The following KCNQ1 variants were observed in gnomAD, a reference collection of about 807,000 sequenced individuals.
KCNQ1 encodes the protein potassium voltage-gated channel subfamily Q member 1, also known as potassium voltage-gated channel subfamily KQT member 1.
In KCNQ1, 49 loss-of-function variants were observed where a neutral mutation model predicts 72.4. The ratio of observed to expected loss-of-function variants is 0.68; its 90% CI spans 0.54 to 0.86. KCNQ1 has a LOEUF of 0.86. Among genes scored for constraint, KCNQ1 ranks in the 40% least tolerant of loss-of-function variants. KCNQ1 has a pLI of 0.00. For synonymous variants in KCNQ1, 450 were observed against 412.6 expected (o/e 1.09, Z -1.10); for missense variants, 790 against 945.1 (o/e 0.84, Z 2.15).
At chr11:2,540,980 C>G (rs1847813198) in intron 2 of KCNQ1, among the ~76,000 whole-genome samples, 1 of 152,216 alleles carries the variant, frequency 6.6e-6, no homozygotes, top group Non-Finnish European at 1.5e-5. Flanking sequence ...CACAGGCACA[C>G]ACGCACAGAC....
intron 10 of KCNQ1, chr11:2,618,729 G>A (rs895884385): frequency 2.5e-6 from 1 of 398,452 alleles, no homozygotes; most frequent in Non-Finnish European, 4.4e-6. Flanking sequence ...AATTTTCCAT[G>A]GGATTTTGAT....
Position 2,566,022 on chromosome 11 carries a change from G to T in KCNQ1, c.478-4606G>T, listed in dbSNP as rs1489377283. 6.6e-6 allele frequency among the ~76,000 whole-genome samples: 1 copy of T among 152,026 alleles called. No individual in the cohort carries two copies. The highest frequency in any genetic ancestry group is 2.4e-5 in the African/African-American group (1 of 41,380). ...CCCACTAGATGACCACCAAGGCAGGGCGGCTGGTGGTGCTGACGGCTCTGT... is the reference window on the plus strand; with the variant it reads ...CCCACTAGATGACCACCAAGGCAGGTCGGCTGGTGGTGCTGACGGCTCTGT... On this transcript the variant is annotated intron_variant, in intron 2 of 15. Transcript: ENST00000155840. The surrounding 1 kb of genome is among the most constrained non-coding windows in gnomAD (Gnocchi z 6.7).
intron 15 of KCNQ1, among the ~76,000 whole-genome samples, chr11:2,791,813 G>A (rs373806840): frequency 6.6e-6 from 1 of 152,172 alleles, no homozygotes. Context: ...CGGTGGGACC[G>A]GCTTCCTGCC....
chr11:2,607,162 C>A (rs540297819), intron 10 of KCNQ1, among the ~76,000 whole-genome samples: 2 of 152,204 alleles, frequency 1.3e-5, no homozygotes, highest in South Asian at 4.1e-4. Flanking sequence ...CTCGGCCTCC[C>A]AAAGTGCTGG....
At chr11:2,456,647 C>T (rs548681318) in intron 1 of KCNQ1, among the ~76,000 whole-genome samples, 43 of 151,068 alleles carry the variant, frequency 2.8e-4, no homozygotes, top group African/African-American at 7.5e-4. Context: ...AAGGGCCGGG[C>T]GCGGTGGCTC....
intron 11 of KCNQ1, among the ~76,000 whole-genome samples, chr11:2,749,947 G>A (rs1384167396): frequency 2.1e-5 from 3 of 140,470 alleles, no homozygotes; most frequent in South Asian, 2.4e-4. Context: ...GCAACAGAGT[G>A]AGACTCTGTC....
At chr11:2,656,184 C>G (rs1375776966) in intron 10 of KCNQ1, 1 of 398,412 alleles carries the variant, frequency 2.5e-6, no homozygotes, top group African/African-American at 2.1e-5. Context: ...TTTCTTTCTT[C>G]CTTCCTTTAA....
chr11:2,524,395 G>A (rs980998389), intron 1 of KCNQ1, among the ~76,000 whole-genome samples: 9 of 152,196 alleles, frequency 5.9e-5, no homozygotes, highest in African/African-American at 2.2e-4. Context: ...GACCTCAGAA[G>A]CCCTTGGAGC....
chr11:2,802,452 C>T (rs1847286869), intron 15 of KCNQ1, among the ~76,000 whole-genome samples: 1 of 152,234 alleles, frequency 6.6e-6, no homozygotes, highest in Non-Finnish European at 1.5e-5. Context: ...CCTTCATGGG[C>T]CTGCCCAATG....
intron 15 of KCNQ1, among the ~76,000 whole-genome samples, chr11:2,847,427 C>T (rs1242081778): frequency 1.3e-5 from 2 of 152,300 alleles, no homozygotes; most frequent in East Asian, 1.9e-4. Context: ...CCCTGCCATG[C>T]GGGGATGTGG....
rs920821461 is a variant in KCNQ1 at position 2,816,126 on chromosome 11, C to T, written c.1795-31641C>T. ...CAGTAGCCAGGGGCAAGACCTCACA[C>T]GCCTCTGCCCATCCTGGGAAACTCA... On this transcript the variant is annotated intron_variant, in intron 15 of 15. Transcript: ENST00000155840. The surrounding 1 kb of genome is among the most constrained non-coding windows in gnomAD (Gnocchi z 6.8). Among the ~76,000 whole-genome samples the T allele has an allele frequency of 2.2e-4, 34 of 152,186 alleles. No individual in the cohort carries two copies. Among genetic ancestry groups the T allele is most frequent in the Non-Finnish European group, 4.0e-4 (27 of 68,034 alleles).
At chr11:2,616,871 A>G (rs1849073923) in intron 10 of KCNQ1, 3 of 398,030 alleles carry the variant, frequency 7.5e-6, no homozygotes, top group Non-Finnish European at 1.3e-5. Context: ...TGGAGTGTCC[A>G]TATATGTTTG....
chr11:2,773,419 C>T (rs534798397), intron 12 of KCNQ1, among the ~76,000 whole-genome samples: 6 of 151,738 alleles, frequency 4.0e-5, no homozygotes, highest in Admixed American at 1.3e-4. Context: ...GATCAAGGCT[C>T]GGCATCCCAT....
rs76363359 is a variant in KCNQ1 at position 2,542,603 on chromosome 11, G to A, written c.477+14585G>A. ...CCCCAGAAGGCTTCTCGCTCCCGTC[G>A]CTGGCCCCTCCTCCGCTGCTCCTGG... is the stretch of plus-strand genomic sequence containing the variant. On this transcript the variant is annotated intron_variant, in intron 2 of 15. Coordinates refer to ENST00000155840, the MANE Select transcript of KCNQ1 (RefSeq NM_000218.3). Among the ~76,000 whole-genome samples the A allele has an allele frequency of 3.6e-3, 545 of 152,312 alleles. 3 individuals carry two copies. Among genetic ancestry groups the A allele is most frequent in the African/African-American group, 0.013 (523 of 41,578 alleles).
intron 2 of KCNQ1, among the ~76,000 whole-genome samples, chr11:2,535,938 G>C (rs1004084332): frequency 9.8e-5 from 15 of 152,334 alleles, no homozygotes; most frequent in African/African-American, 3.6e-4. Context: ...GCACAGCTGG[G>C]GGCAGGGGCG....
At chr11:2,681,262 G>A in intron 11 of KCNQ1, 2 of 398,556 alleles carry the variant, frequency 5.0e-6, no homozygotes, top group Admixed American at 8.8e-5. Flanking sequence ...CCCCAGGAGA[G>A]AGCTTCACTT....
intron 10 of KCNQ1, chr11:2,641,785 G>A (rs1486669271): frequency 5.0e-6 from 2 of 398,312 alleles, no homozygotes; most frequent in Non-Finnish European, 8.9e-6. Flanking sequence ...TCATGTTTAA[G>A]TCTTTAACCC....
At position 2,674,787 on chromosome 11, in the gene KCNQ1, A is replaced by T; in HGVS notation, c.1514+12706A>T. 1 of 395,736 alleles carries T rather than the reference A, an allele frequency of 2.5e-6. No individual in the cohort carries two copies. Among genetic ancestry groups the T allele is most frequent in the Admixed American group, 4.5e-5 (1 of 22,322 alleles). 24.5% of individuals were successfully genotyped at this position (395,736 alleles called of 1,614,324 possible). A position where few individuals can be genotyped will look rare whatever the true frequency, so the allele number is the denominator to read the frequency against. ...GACCAGCTTCCTGGAAACTCTCGCC[A>T]ACTGCTGGCCTTTGGAAAGGCTTGT... On this transcript the variant is annotated intron_variant, in intron 11 of 15. Transcript: ENST00000155840. The surrounding 1 kb of genome is among the most constrained non-coding windows in gnomAD (Gnocchi z 5.9).
In KCNQ1 at chr11:2,509,766, G is replaced by T. The variant is rs1053334217; in HGVS notation, c.387-18162G>T. On this transcript the variant is annotated intron_variant, in intron 1 of 15. Coordinates refer to ENST00000155840, the MANE Select transcript of KCNQ1 (RefSeq NM_000218.3). The surrounding 1 kb of genome is among the most constrained non-coding windows in gnomAD (Gnocchi z 6.3). ...GAAAAGAGGGGCTTCCGGGGGTGGG[G>T]AGCGGGGCTGGGCGGCTGCTGGCTG... 6.6e-6 allele frequency among the ~76,000 whole-genome samples: 1 copy of T among 152,172 alleles called. No homozygotes were observed. Among genetic ancestry groups the T allele is most frequent in the African/African-American group, 2.4e-5 (1 of 41,450 alleles).
Sources: gnomAD v4.1 joint callset for allele counts (sites outside exome capture counted in the v4.1 genomes callset) on GRCh38, gnomAD v4.1.1 for gene constraint, Gnocchi (gnomAD v3.1) non-coding constraint, MANE v1.5 for transcripts, NCBI Gene and HGNC (gene_info 2026-07-23, HGNC 2026-07-21) for gene names.